The following GCA variants were observed in gnomAD, a reference collection of about 807,000 sequenced individuals.
The protein encoded by GCA is grancalcin, also known as grancalcin, EF-hand calcium-binding protein.
Under a neutral mutation model 32.6 loss-of-function variants are expected in GCA, and 30 were observed. The observed-to-expected ratio is 0.92, with a 90% CI of 0.69 to 1.25. GCA has a LOEUF of 1.25. GCA is among the 50% of genes most tolerant of loss of function. The pLI, the probability that GCA is intolerant of heterozygous loss-of-function variation, is 0.00. For synonymous variants in GCA, 102 were observed against 84.6 expected (o/e 1.21, Z -1.13); for missense variants, 291 against 266.8 (o/e 1.09, Z -0.63).
At chr2:162,340,394 C>T (rs745760921), upstream of GCA, among the ~76,000 whole-genome samples, 1 of 152,220 alleles carries the variant, frequency 6.6e-6, no homozygotes, top group African/African-American at 2.4e-5. Flanking sequence ...CACCAGTAAA[C>T]CCTGCTGGCT....
chr2:162,351,095 A>G (rs1351023713), intron 2 of GCA, among the ~76,000 whole-genome samples: 2 of 152,182 alleles, frequency 1.3e-5, no homozygotes, highest in South Asian at 2.1e-4. Flanking sequence ...TATTTATAGG[A>G]TGAAGTATTC....
At chr2:162,353,223 A>G (rs1383914702) in intron 3 of GCA, among the ~76,000 whole-genome samples, 1 of 152,160 alleles carries the variant, frequency 6.6e-6, no homozygotes, top group Non-Finnish European at 1.5e-5. Flanking sequence ...CAATCCCAGC[A>G]CTTTGGGAGG....
rs1261748367 is a variant in GCA, at chr2:162,362,459, G to GT, written c.*2217dup. On this transcript the variant is annotated 3_prime_UTR_variant, in exon 8 of 8. Transcript: ENST00000437150. Reference sequence around the variant, plus strand: ...TGATATTTTTATGATGAACATGACTGTAATATGAATATAGTATAGTAGTTT... The same window carrying GT: ...TGATATTTTTATGATGAACATGACTGTTAATATGAATATAGTATAGTAGTTT... The GT allele has an allele frequency of 1.0e-6, 1 of 957,798 alleles. No homozygotes were observed. The highest frequency in any genetic ancestry group is 1.8e-5 in the African/African-American group (1 of 56,628). 59.3% of individuals were successfully genotyped at this position (957,798 alleles called of 1,614,324 possible). A position where few individuals can be genotyped will look rare whatever the true frequency, so the allele number is the denominator to read the frequency against.
intron 1 of GCA, among the ~76,000 whole-genome samples, chr2:162,331,434 A>G (rs1684079869): frequency 6.6e-6 from 1 of 152,228 alleles, no homozygotes; most frequent in Admixed American, 6.5e-5. Context: ...GTCCCCTTCA[A>G]TATTTATGCT....
Position 162,361,891 on chromosome 2 carries a change from AACATCC to A in GCA, c.*1650_*1655del. The stretch of plus-strand genomic sequence containing the variant: ...ATGTCGCTCAGCAACCTGTAATCTT[AACATCC>A]AGGTTATACAGATGGTCGTTACTGA... On this transcript the variant is annotated 3_prime_UTR_variant, in exon 8 of 8. Transcript: ENST00000437150. 1 of 984,646 alleles carries A rather than the reference AACATCC, an allele frequency of 1.0e-6. No individual in the cohort carries two copies. Among genetic ancestry groups the A allele is most frequent in the Non-Finnish European group, 1.2e-6 (1 of 829,396 alleles). 61.0% of individuals were successfully genotyped at this position (984,646 alleles called of 1,614,324 possible).
At chr2:162,370,174 T>C (rs919288374) in intron 4 of GCA, among the ~76,000 whole-genome samples, 5 of 152,148 alleles carry the variant, frequency 3.3e-5, no homozygotes, top group African/African-American at 1.2e-4. Context: ...TAGCTTGCAT[T>C]TGAAGCTGAT....
intron 1 of GCA, among the ~76,000 whole-genome samples, chr2:162,329,920 C>T (rs1684018256): frequency 6.6e-6 from 1 of 152,114 alleles, no homozygotes; most frequent in Non-Finnish European, 1.5e-5. Context: ...TGAGAACATG[C>T]AGTATTTGGT....
At chr2:162,355,485 T>C (rs781393199) in intron 3 of GCA, among the ~76,000 whole-genome samples, 3 of 152,174 alleles carry the variant, frequency 2.0e-5, no homozygotes, top group Non-Finnish European at 4.4e-5. Flanking sequence ...CATTCATTCA[T>C]ATTAACAAGC....
At chr2:162,325,315 G>T (rs914316869) in intron 1 of GCA, among the ~76,000 whole-genome samples, 3 of 151,942 alleles carry the variant, frequency 2.0e-5, no homozygotes, top group Non-Finnish European at 4.4e-5. Context: ...CTCCTTCCTG[G>T]GCTTCCCTGT....
At chr2:162,339,799 T>C (rs2105291915), upstream of GCA, among the ~76,000 whole-genome samples, 1 of 152,332 alleles carries the variant, frequency 6.6e-6, no homozygotes, top group Admixed American at 6.5e-5. Context: ...CAGCTTGATC[T>C]TGGACTTCTA....
At chr2:162,338,145 A>C (rs1179784841) in intron 1 of GCA, among the ~76,000 whole-genome samples, 2 of 152,234 alleles carry the variant, frequency 1.3e-5, no homozygotes, top group African/African-American at 4.8e-5. Context: ...ATAGCTGTGA[A>C]AAATATCAAG....
At chr2:162,325,555 G>A (rs914344798) in intron 1 of GCA, among the ~76,000 whole-genome samples, 1 of 152,164 alleles carries the variant, frequency 6.6e-6, no homozygotes, top group African/African-American at 2.4e-5. Context: ...TCCTACACAA[G>A]CCCTCCATTA....
chr2:162,352,190 A>G, intron 2 of GCA, 148 bp from the exon 3 acceptor site: 1 of 567,266 alleles, frequency 1.8e-6, no homozygotes, highest in Non-Finnish European at 3.1e-6. Context: ...CTTTGTTGTC[A>G]GTAATTATCT....
At chr2:162,345,127 TGGTG>T (rs1558893117) in intron 1 of GCA, among the ~76,000 whole-genome samples, 5 of 148,890 alleles carry the variant, frequency 3.4e-5, no homozygotes, top group Non-Finnish European at 4.5e-5. Flanking sequence ...GTGGTGGTGG[TGGTG>T]GTGGTTGTGG....
In GCA at chr2:162,362,139, C is replaced by T; in HGVS notation, c.*1896C>T. On this transcript the variant is annotated 3_prime_UTR_variant, in exon 8 of 8. Coordinates refer to ENST00000437150, the MANE Select transcript of GCA (RefSeq NM_012198.5). ...TTCCATGGCCAAACATATTTAGAAA[C>T]TCTCACTTTCTAAAGCTTGACAAGG... 2.0e-6 allele frequency: 2 copies of T among 984,478 alleles called. No homozygotes were observed. Among genetic ancestry groups the T allele is most frequent in the Non-Finnish European group, 2.4e-6 (2 of 829,326 alleles). 61.0% of individuals were successfully genotyped at this position (984,478 alleles called of 1,614,324 possible). A position where few individuals can be genotyped will look rare whatever the true frequency, so the allele number is the denominator to read the frequency against.
upstream of GCA, among the ~76,000 whole-genome samples, chr2:162,339,399 G>A (rs1301149339): frequency 6.6e-6 from 1 of 152,094 alleles, no homozygotes; most frequent in East Asian, 1.9e-4. Flanking sequence ...TCCAATTAAG[G>A]AATACATTTT....
chr2:162,356,718 C>A, intron 4 of GCA, 40 bp from the exon 5 acceptor site: 2 of 1,472,948 alleles, frequency 1.4e-6, no homozygotes, highest in South Asian at 1.2e-5. Flanking sequence ...GTCAGATAAA[C>A]TCAGGTATCA....
chr2:162,365,833 A>T (rs1331975266), downstream of GCA, among the ~76,000 whole-genome samples: 3 of 151,620 alleles, frequency 2.0e-5, no homozygotes, highest in Admixed American at 2.0e-4. Flanking sequence ...GAAAGATGCC[A>T]TATCATTTCA....
At chr2:162,338,840 G>A (rs1483323897) in intron 1 of GCA, among the ~76,000 whole-genome samples, 1 of 152,132 alleles carries the variant, frequency 6.6e-6, no homozygotes, top group African/African-American at 2.4e-5. Context: ...TTCTCAAGAA[G>A]TTTTCATTGA....
Sources: allele counts gnomAD v4.1 joint callset (sites outside exome capture counted in the v4.1 genomes callset), GRCh38; gene constraint gnomAD v4.1.1; transcripts MANE v1.5; gene names NCBI Gene and HGNC (gene_info 2026-07-23, HGNC 2026-07-21).